SULT6B1: variants seen among roughly 807,000 people sequenced by gnomAD.
The protein encoded by SULT6B1 is sulfotransferase 6B1.
Under a neutral mutation model 37.2 loss-of-function variants are expected in SULT6B1, and 44 were observed. The ratio of observed to expected loss-of-function variants is 1.18; its 90% confidence interval spans 0.93 to 1.52. The LOEUF (loss-of-function observed/expected upper bound fraction) is 1.52, where lower values mean the gene tolerates loss of function less well. SULT6B1 is among the 40% of genes most tolerant of loss of function. The probability of loss-of-function intolerance (pLI) is 0.00; values close to 1 mark genes in which losing one functional copy is unlikely to be tolerated. For missense variants in SULT6B1, 450 were observed against 361.0 expected (o/e 1.25, Z -2.00); for synonymous variants, 140 against 126.0 (o/e 1.11, Z -0.74).
upstream of SULT6B1, chr2:37,191,177 A>G (rs1055221823): frequency 2.0e-5 from 3 of 146,888 alleles, no homozygotes; most frequent in Admixed American, 7.0e-5. Flanking sequence ...CAGAGGGCAT[A>G]GGTTTAATTG....
intron 2 of SULT6B1, among the ~76,000 whole-genome samples, chr2:37,184,767 T>C (rs187578581): frequency 0.023 from 3,519 of 151,692 alleles, 65 homozygotes; most frequent in Middle Eastern, 0.054. Context: ...GGGAGGCGGA[T>C]GTTGCGGTGA....
rs1242596028 is a variant in SULT6B1 at position 37,175,376 on chromosome 2, A to G, written c.530-150T>C. The G allele has an allele frequency of 3.2e-5, 13 of 408,584 alleles. No individual in the cohort carries two copies. In the East Asian group the frequency reaches 4.8e-4, roughly 15 times the overall value. 25.3% of individuals were successfully genotyped at this position (408,584 alleles called of 1,614,324 possible). On this transcript the variant is annotated intron_variant, in intron 4 of 6. Coordinates refer to ENST00000535679, the MANE Select transcript of SULT6B1 (RefSeq NM_001367551.1). ...ATAAATCCCTGCCACCAAAAAGCTG[A>G]TATAAATCAGTCCCATTGTCTAAAT...
At chr2:37,185,875 G>C (rs746794302) in intron 2 of SULT6B1, among the ~76,000 whole-genome samples, 31 of 152,104 alleles carry the variant, frequency 2.0e-4, no homozygotes, top group Non-Finnish European at 3.5e-4. Flanking sequence ...TTCCTACCTA[G>C]GTCAAAGCTT....
intron 6 of SULT6B1, among the ~76,000 whole-genome samples, chr2:37,170,851 G>C (rs1023861137): frequency 6.6e-6 from 1 of 151,816 alleles, no homozygotes; most frequent in African/African-American, 2.4e-5. Context: ...TCTCCTATCT[G>C]AATTTGAACA....
chr2:37,181,618 C>T (rs1015974792), intron 3 of SULT6B1, among the ~76,000 whole-genome samples: 2 of 135,150 alleles, frequency 1.5e-5, no homozygotes, highest in Admixed American at 8.2e-5. Flanking sequence ...TGGGCTCAAG[C>T]GATCCCTCCT....
intron 6 of SULT6B1, among the ~76,000 whole-genome samples, chr2:37,170,707 C>A: frequency 7.0e-6 from 1 of 141,888 alleles, no homozygotes. Context: ...CACTGCATTC[C>A]AGCCTGGGCA....
intron 1 of SULT6B1, chr2:37,196,059 TGTC>T (rs929331417): frequency 2.0e-5 from 3 of 152,268 alleles, no homozygotes; most frequent in African/African-American, 7.2e-5. Context: ...GGTCTCCTGA[TGTC>T]GTGATCCTCC....
At chr2:37,171,913 A>G (rs1676311690) in intron 5 of SULT6B1, among the ~76,000 whole-genome samples, 1 of 152,212 alleles carries the variant, frequency 6.6e-6, no homozygotes, top group Non-Finnish European at 1.5e-5. Context: ...ATTAAAAAGT[A>G]CCAACTTAGA....
At chr2:37,190,054 A>G (rs530151045), upstream of SULT6B1, 1 of 152,358 alleles carries the variant, frequency 6.6e-6, no homozygotes, top group African/African-American at 2.4e-5. Flanking sequence ...TCTGACCTGT[A>G]TGTGAAAGAG....
At chr2:37,175,034 G>T in intron 5 of SULT6B1, 98 bp downstream of exon 5, 1 of 629,660 alleles carries the variant, frequency 1.6e-6, no homozygotes, top group South Asian at 4.5e-5. Context: ...TTTAAAAATT[G>T]AACACCATAT....
At chr2:37,184,844 C>T (rs930024599) in intron 2 of SULT6B1, among the ~76,000 whole-genome samples, 2 of 149,104 alleles carry the variant, frequency 1.3e-5, no homozygotes, top group Non-Finnish European at 3.0e-5. Flanking sequence ...AAAAAAAAAA[C>T]AACAAAACTT....
chr2:37,179,500 C>T lies in SULT6B1; in HGVS notation c.487G>A (p.Gly163Ser), dbSNP rs75398209. The T allele has an allele frequency of 4.1e-3, 6,561 of 1,613,818 alleles. 27 individuals carry two copies. The highest frequency in any genetic ancestry group is 4.5e-3 in the Non-Finnish European group (5,265 of 1,179,844). Reference sequence around the variant, plus strand: ...TGTCTGAAGAATTCATCCCAAGAGCCATAGCTTGGAATATCGGGGACATCG... The same window carrying T: ...TGTCTGAAGAATTCATCCCAAGAGCTATAGCTTGGAATATCGGGGACATCG... ...HNDVPDIPSY[G>S]SWDEFFRQFM... is the part of the protein sequence containing the mutation. Residue 163 changes from glycine to serine, a missense_variant, in exon 4 of 7, where the codon GGC (glycine) becomes AGC (serine). Gly to Ser is a moderately conservative substitution (Grantham distance 56). Transcript: ENST00000535679.
chr2:37,183,722 C>G (rs1676607727), intron 2 of SULT6B1, among the ~76,000 whole-genome samples: 1 of 152,192 alleles, frequency 6.6e-6, no homozygotes, highest in Non-Finnish European at 1.5e-5. Context: ...CAGCTCACCG[C>G]AACCTCTGCC....
At chr2:37,193,089 C>A (rs775329571), upstream of SULT6B1, among the ~76,000 whole-genome samples, 1 of 152,102 alleles carries the variant, frequency 6.6e-6, no homozygotes, top group Non-Finnish European at 1.5e-5. Flanking sequence ...GATAAATTAC[C>A]GCAGACCTAT....
At chr2:37,170,008 T>C (rs897345100) in intron 6 of SULT6B1, among the ~76,000 whole-genome samples, 2 of 152,228 alleles carry the variant, frequency 1.3e-5, no homozygotes, top group African/African-American at 4.8e-5. Flanking sequence ...TAATGAAATA[T>C]AGTAACTATC....
rs1553342295 is a variant in SULT6B1 at position 37,170,758 on chromosome 2, A to AAC, written c.781+675_781+676insGT. On this transcript the variant is annotated intron_variant, in intron 6 of 6. Coordinates refer to ENST00000535679, the MANE Select transcript of SULT6B1 (RefSeq NM_001367551.1). ...GTCTCAAAAAAAAAAAAAAAAAAAA[A>AAC]AACTCACTGATGGGGCTTCCAGGAA... 9.7e-3 allele frequency among the ~76,000 whole-genome samples: 1,387 copies of AAC among 143,140 alleles called. 21 individuals carry two copies. Among genetic ancestry groups the AAC allele is most frequent in the African/African-American group, 0.033 (1,298 of 39,704 alleles). 93.9% of individuals were successfully genotyped at this position (143,140 alleles called of 152,430 possible).
At chr2:37,178,042 T>C (rs1676468630) in intron 4 of SULT6B1, among the ~76,000 whole-genome samples, 1 of 151,906 alleles carries the variant, frequency 6.6e-6, no homozygotes, top group South Asian at 2.1e-4. Flanking sequence ...CAATGGCAAG[T>C]GATTTAACTT....
chr2:37,192,667 T>G (rs971610179), upstream of SULT6B1, among the ~76,000 whole-genome samples: 11 of 152,204 alleles, frequency 7.2e-5, no homozygotes, highest in Admixed American at 5.9e-4. Flanking sequence ...TTACAAAAAG[T>G]CTTTGTTTCC....
chr2:37,189,566 C>T (rs1052653677), upstream of SULT6B1, among the ~76,000 whole-genome samples: 1 of 152,194 alleles, frequency 6.6e-6, no homozygotes, highest in African/African-American at 2.4e-5. Flanking sequence ...GTGGGCTGCC[C>T]TCCTTACCCC....
Sources: gnomAD v4.1 joint callset for allele counts (sites outside exome capture counted in the v4.1 genomes callset) on GRCh38, gnomAD v4.1.1 for gene constraint, MANE v1.5 for transcripts, NCBI Gene and HGNC (gene_info 2026-07-23, HGNC 2026-07-21) for gene names.